CDK8: variants seen among roughly 807,000 people sequenced by gnomAD.
The protein encoded by CDK8 is cyclin dependent kinase 8, also known as cyclin-dependent kinase 8.
A neutral mutation model predicts 71.5 loss-of-function variants in CDK8; 29 were observed. The observed-to-expected ratio is 0.41, with a 90% CI of 0.30 to 0.55. The LOEUF (loss-of-function observed/expected upper bound fraction) is 0.55. CDK8 is among the 20% of genes least tolerant of loss of function. CDK8 has a pLI of 0.37. For synonymous variants in CDK8, 161 were observed against 192.1 expected (o/e 0.84, Z 1.34); for missense variants, 288 against 572.6 (o/e 0.50, Z 5.07).
rs763210377 is a variant in CDK8 at position 26,401,499 on chromosome 13, A to G, written c.1144A>G (p.Thr382Ala). ...NQQQQQGNNH[T>A]NGTGHPGNQD... ...GCAGCAGCAGCAGGGCAATAACCAC[A>G]CTAATGGAACTGGCCACCCAGGGAA... The change falls in exon 12 of 13, where the codon ACT (threonine) becomes GCT (alanine). Residue 382 changes from threonine (T) to alanine (A), a missense_variant. Transcript: ENST00000381527. This position sits in a 1 kb window ranked among gnomAD's most constrained non-coding sequence, Gnocchi z 4.5. 6.2e-7 allele frequency: 1 copy of G among 1,614,210 alleles called. No homozygotes were observed. The highest frequency in any genetic ancestry group is 8.5e-7 in the Non-Finnish European group (1 of 1,180,030).
intron 1 of CDK8, among the ~76,000 whole-genome samples, chr13:26,317,573 TAGATATCATACAAAGTGTATTCTCCA>T (rs1361792294): frequency 3.3e-5 from 5 of 152,260 alleles, no homozygotes; most frequent in Admixed American, 2.0e-4. Flanking sequence ...TTTTTAAAGA[TAGATATCATACAAAGTGTATTCTCCA>T]GCCACAATGG....
chr13:26,284,946 A>T (rs1872933046), intron 1 of CDK8, among the ~76,000 whole-genome samples: 1 of 151,906 alleles, frequency 6.6e-6, no homozygotes, highest in Admixed American at 6.6e-5. Flanking sequence ...AATCCTCAAA[A>T]AAAAAAAAAA....
chr13:26,368,941 G>GTTTT (rs145937826), intron 4 of CDK8, among the ~76,000 whole-genome samples: 9 of 149,632 alleles, frequency 6.0e-5, no homozygotes, highest in Admixed American at 6.0e-4. Context: ...CTGTCATGAT[G>GTTTT]TTTTTTTTTC....
chr13:26,356,902 ACT>A (rs1873922184), intron 4 of CDK8, among the ~76,000 whole-genome samples: 1 of 152,162 alleles, frequency 6.6e-6, no homozygotes, highest in Admixed American at 6.5e-5. Context: ...GCTGACCTTA[ACT>A]CTCTTCATAG....
intron 2 of CDK8, among the ~76,000 whole-genome samples, chr13:26,342,949 C>G (rs1164794500): frequency 6.6e-6 from 1 of 152,084 alleles, no homozygotes; most frequent in Non-Finnish European, 1.5e-5. Context: ...TTGCAGATAG[C>G]CTCCTTCTTC....
chr13:26,333,244 A>G (rs1031342910), intron 1 of CDK8, among the ~76,000 whole-genome samples: 3 of 151,872 alleles, frequency 2.0e-5, no homozygotes, highest in African/African-American at 7.3e-5. Context: ...GGTTCAAGCA[A>G]TTCTTCTACC....
intron 1 of CDK8, among the ~76,000 whole-genome samples, chr13:26,314,923 A>G (rs1874440010): frequency 6.6e-6 from 1 of 152,178 alleles, no homozygotes; most frequent in Non-Finnish European, 1.5e-5. Context: ...TTAAAGGTAT[A>G]AAAAATCAAT....
chr13:26,287,203 C>G (rs1172661803), intron 1 of CDK8, among the ~76,000 whole-genome samples: 3 of 152,194 alleles, frequency 2.0e-5, no homozygotes, highest in African/African-American at 7.2e-5. Context: ...ACATTTATAG[C>G]AGCACACTTC....
Position 26,307,010 on chromosome 13 carries a change from T to A in CDK8, c.129-30557T>A, listed in dbSNP as rs1055205217. On this transcript the variant is annotated intron_variant, in intron 1 of 12. Coordinates refer to ENST00000381527, the MANE Select transcript of CDK8 (RefSeq NM_001260.3). ...AAAGTTGTCTTAGGAGAGAAACTCA[T>A]ATTAAAAGCTTTTAAACATTTGGGG... Among the ~76,000 whole-genome samples the A allele has an allele frequency of 2.0e-5, 3 of 152,194 alleles. 1 individual carries two copies. The highest frequency in any genetic ancestry group is 4.8e-5 in the African/African-American group (2 of 41,460).
chr13:26,306,170 A>G (rs1281872496), intron 1 of CDK8, among the ~76,000 whole-genome samples: 2 of 152,158 alleles, frequency 1.3e-5, no homozygotes, highest in African/African-American at 4.8e-5. Flanking sequence ...CTTCTTGTTC[A>G]TATTACTGTT....
At chr13:26,330,807 G>A (rs1216715305) in intron 1 of CDK8, among the ~76,000 whole-genome samples, 1 of 152,124 alleles carries the variant, frequency 6.6e-6, no homozygotes, top group African/African-American at 2.4e-5. Context: ...ATTCTATAGT[G>A]TATATATACC....
At position 26,302,943 on chromosome 13, in the gene CDK8, C is replaced by T. The variant is rs1014402520; in HGVS notation, c.129-34624C>T. 3.9e-5 allele frequency among the ~76,000 whole-genome samples: 6 copies of T among 152,180 alleles called. No individual in the cohort carries two copies. The South Asian group carries it at 8.3e-4, about 21-fold the overall frequency. The stretch of plus-strand genomic sequence containing the variant: ...CTGGCTTTGAACTCCTGGGCTCAAG[C>T]GATCCTCTTGAGTAGCTAGAATTAC... On this transcript the variant is annotated intron_variant, in intron 1 of 12. Coordinates refer to ENST00000381527, the MANE Select transcript of CDK8 (RefSeq NM_001260.3).
chr13:26,292,299 A>G (rs913953587), intron 1 of CDK8, among the ~76,000 whole-genome samples: 3 of 152,180 alleles, frequency 2.0e-5, no homozygotes, highest in Non-Finnish European at 2.9e-5. Flanking sequence ...GATTCCCAGA[A>G]AGAGCAGCAG....
intron 1 of CDK8, among the ~76,000 whole-genome samples, chr13:26,265,429 T>C (rs951612716): frequency 1.3e-5 from 2 of 152,064 alleles, no homozygotes; most frequent in African/African-American, 4.8e-5. Context: ...TAATTAGAAA[T>C]TGTGAATGGG....
At chr13:26,317,014 C>A (rs1397087107) in intron 1 of CDK8, among the ~76,000 whole-genome samples, 4 of 151,666 alleles carry the variant, frequency 2.6e-5, no homozygotes, top group Non-Finnish European at 4.4e-5. Context: ...AGATAGAAAA[C>A]CTAAAAACCT....
chr13:26,395,710 A>G (rs1170858704), intron 7 of CDK8, among the ~76,000 whole-genome samples: 1 of 152,172 alleles, frequency 6.6e-6, no homozygotes, highest in Non-Finnish European at 1.5e-5. Flanking sequence ...CAGACTAGCC[A>G]AGGTACCAGC....
intron 1 of CDK8, among the ~76,000 whole-genome samples, chr13:26,263,205 C>G (rs964360459): frequency 4.6e-5 from 7 of 151,932 alleles, no homozygotes; most frequent in Non-Finnish European, 1.0e-4. Flanking sequence ...GCGCGATCTC[C>G]GCTCACTGCT....
At chr13:26,363,453 T>C (rs1445868036) in intron 4 of CDK8, among the ~76,000 whole-genome samples, 1 of 151,916 alleles carries the variant, frequency 6.6e-6, no homozygotes, top group Non-Finnish European at 1.5e-5. Context: ...AGAAAATCTC[T>C]AGATTTGGGG....
At chr13:26,333,113 A>G (rs1185397032) in intron 1 of CDK8, among the ~76,000 whole-genome samples, 3 of 151,654 alleles carry the variant, frequency 2.0e-5, no homozygotes, top group African/African-American at 7.3e-5. Context: ...TACCCTGAAC[A>G]CATTTTTTCA....
Sources: gnomAD v4.1 joint callset for allele counts (sites outside exome capture counted in the v4.1 genomes callset) on GRCh38, gnomAD v4.1.1 for gene constraint, Gnocchi (gnomAD v3.1) non-coding constraint, MANE v1.5 for transcripts, NCBI Gene and HGNC (gene_info 2026-07-23, HGNC 2026-07-21) for gene names.